Variants in RNF157 observed in about 807,000 individuals in gnomAD.
RNF157 encodes ring finger protein 157.
Under a neutral mutation model 88.3 loss-of-function variants are expected in RNF157, and 55 were observed. The observed-to-expected ratio is 0.62, with a 90% CI of 0.50 to 0.78. The LOEUF (loss-of-function observed/expected upper bound fraction) is 0.78. Ranked by LOEUF, RNF157 falls within the 30% of genes least tolerant of loss-of-function variation. RNF157 has a pLI of 0.00. For missense variants in RNF157, 788 were observed against 860.8 expected (o/e 0.92, Z 1.06); for synonymous variants, 334 against 341.2 (o/e 0.98, Z 0.23).
At chr17:76,173,574 G>C (rs944407457) in intron 3 of RNF157, 128 bp downstream of exon 3, 1 of 680,012 alleles carries the variant, frequency 1.5e-6, no homozygotes, top group African/African-American at 1.8e-5. Context: ...TCCTGTCTGA[G>C]GCCCAGAGAA....
chr17:76,240,303 C>G lies in RNF157; in HGVS notation c.-63G>C. On this transcript the variant is annotated 5_prime_UTR_variant, in exon 1 of 19. Coordinates refer to ENST00000269391, the MANE Select transcript of RNF157 (RefSeq NM_052916.3). This position sits in a 1 kb window ranked among gnomAD's most constrained non-coding sequence, Gnocchi z 4.4. ...CCGCGCCGCCCTCCGCGCTTCACCG[C>G]GGCCGCCCGCCCCGCGCCCGGTGCG... is the stretch of plus-strand genomic sequence containing the variant. The G allele has an allele frequency of 1.2e-6, 1 of 834,178 alleles. No individual in the cohort carries two copies. The highest frequency in any genetic ancestry group is 1.4e-6 in the Non-Finnish European group (1 of 693,238). 51.7% of individuals were successfully genotyped at this position (834,178 alleles called of 1,614,324 possible).
intron 6 of RNF157, 123 bp from the exon 7 acceptor site, chr17:76,165,668 G>T: frequency 2.0e-6 from 2 of 981,674 alleles, no homozygotes; most frequent in Non-Finnish European, 3.2e-6. Context: ...GAAGGGGCAC[G>T]TTATATAACC....
chr17:76,152,828 G>A (rs956935106), intron 17 of RNF157, among the ~76,000 whole-genome samples: 2 of 152,234 alleles, frequency 1.3e-5, no homozygotes, highest in Non-Finnish European at 2.9e-5. Context: ...AGCGCCAGTG[G>A]GGAGGTCATC....
At chr17:76,205,662 T>A (rs1365957583) in intron 2 of RNF157, among the ~76,000 whole-genome samples, 3 of 151,734 alleles carry the variant, frequency 2.0e-5, no homozygotes, top group Non-Finnish European at 4.4e-5. Context: ...GAAGCAGAGG[T>A]TGCAGTGAGC....
At chr17:76,203,928 C>T (rs1471171005) in intron 2 of RNF157, among the ~76,000 whole-genome samples, 2 of 151,848 alleles carry the variant, frequency 1.3e-5, no homozygotes, top group Admixed American at 6.6e-5. Flanking sequence ...CCACCATGCT[C>T]GGCTAATTTT....
intron 2 of RNF157, among the ~76,000 whole-genome samples, chr17:76,201,324 A>AT (rs1188583857): frequency 1.0e-5 from 1 of 100,050 alleles, no homozygotes; most frequent in Non-Finnish European, 1.7e-5. Context: ...TAGTCTCTAC[A>AT]AAAAAAAAAA....
chr17:76,179,999 G>C (rs555145488), intron 2 of RNF157, among the ~76,000 whole-genome samples: 1 of 152,324 alleles, frequency 6.6e-6, no homozygotes, highest in African/African-American at 2.4e-5. Flanking sequence ...AGGAAGACCA[G>C]ATAAAGTCTT....
intron 6 of RNF157, 131 bp downstream of exon 6, chr17:76,166,330 G>A (rs1389065982): frequency 1.3e-6 from 1 of 762,248 alleles, no homozygotes; most frequent in Non-Finnish European, 2.3e-6. Context: ...GTGAGAGGAT[G>A]CAGAGACTGC....
intron 2 of RNF157, among the ~76,000 whole-genome samples, chr17:76,180,789 A>G (rs1043398366): frequency 1.3e-5 from 2 of 152,174 alleles, no homozygotes; most frequent in Non-Finnish European, 2.9e-5. Context: ...ATATTCAAGT[A>G]TACAGTTCAG....
chr17:76,151,806 G>A (rs188414775), intron 18 of RNF157, among the ~76,000 whole-genome samples: 3 of 152,302 alleles, frequency 2.0e-5, no homozygotes, highest in Admixed American at 1.3e-4. Flanking sequence ...CGACCTCTCC[G>A]TTGGGATCCA....
rs904329035 is a variant in RNF157, at chr17:76,176,808, G to A, written c.208-3018C>T. ...TGGAGCGCCAGGGCCAGGCCTGGGC[G>A]CGGAGCTGGGGCCATGCTTCAGGGG... On this transcript the variant is annotated intron_variant, in intron 2 of 18. Coordinates refer to ENST00000269391, the MANE Select transcript of RNF157 (RefSeq NM_052916.3). This position sits in a 1 kb window ranked among gnomAD's most constrained non-coding sequence, Gnocchi z 4.2. Among the ~76,000 whole-genome samples, 1 of 152,222 alleles carries A rather than the reference G, an allele frequency of 6.6e-6. No homozygotes were observed. Among genetic ancestry groups the A allele is most frequent in the African/African-American group, 2.4e-5 (1 of 41,458 alleles).
intron 2 of RNF157, among the ~76,000 whole-genome samples, chr17:76,185,471 C>CTCTCT (rs1214764584): frequency 1.4e-5 from 2 of 144,366 alleles, no homozygotes; most frequent in African/African-American, 5.5e-5. Context: ...GAGATTAGTC[C>CTCTCT]TTTCTTTTTT....
intron 2 of RNF157, among the ~76,000 whole-genome samples, chr17:76,204,789 T>C (rs1327697046): frequency 6.6e-6 from 1 of 151,478 alleles, no homozygotes; most frequent in African/African-American, 2.4e-5. Context: ...TTTCTTTTTT[T>C]TTTTTTTGAG....
At chr17:76,231,276 C>A (rs183698837) in intron 1 of RNF157, among the ~76,000 whole-genome samples, 2 of 152,156 alleles carry the variant, frequency 1.3e-5, no homozygotes, top group Non-Finnish European at 2.9e-5. Context: ...AGATTACAGG[C>A]GTGAGCCACC....
rs778324977 is a variant in RNF157, at chr17:76,161,404, C to T, written c.1065+131G>A. The T allele has an allele frequency of 4.5e-5, 33 of 732,372 alleles. No homozygotes were observed. Among genetic ancestry groups the T allele is most frequent in the Non-Finnish European group, 6.6e-5 (28 of 423,408 alleles). 45.4% of individuals were successfully genotyped at this position (732,372 alleles called of 1,614,324 possible). On this transcript the variant is annotated intron_variant, in intron 11 of 18. Transcript: ENST00000269391. The surrounding 1 kb of genome is among the most constrained non-coding windows in gnomAD (Gnocchi z 4.6). ...GTTGGTTTTAACGCATGCTCTCAGC[C>T]GGCTTGCTAAATACTGCAGCATGCC... is the stretch of plus-strand genomic sequence containing the variant.
chr17:76,157,253 T>A lies in RNF157; in HGVS notation c.1414-932A>T, dbSNP rs1279274457. 1.3e-5 allele frequency among the ~76,000 whole-genome samples: 2 copies of A among 152,222 alleles called. No homozygotes were observed. Among genetic ancestry groups the A allele is most frequent in the Admixed American group, 6.5e-5 (1 of 15,282 alleles). Reference sequence around the variant, plus strand: ...AGTGCCGGGATTCCAGGCGTGAGCCTCCGCGCCCGGCCAGTCACACAGTCC... The same window carrying A: ...AGTGCCGGGATTCCAGGCGTGAGCCACCGCGCCCGGCCAGTCACACAGTCC... On this transcript the variant is annotated intron_variant, in intron 13 of 18. Coordinates refer to ENST00000269391, the MANE Select transcript of RNF157 (RefSeq NM_052916.3). This position sits in a 1 kb window ranked among gnomAD's most constrained non-coding sequence, Gnocchi z 5.6.
At chr17:76,231,929 A>C (rs2145079609) in intron 1 of RNF157, among the ~76,000 whole-genome samples, 1 of 152,314 alleles carries the variant, frequency 6.6e-6, no homozygotes, top group African/African-American at 2.4e-5. Context: ...TTAGGCAAAC[A>C]CTATTCTGCT....
Position 76,154,279 on chromosome 17 carries a change from C to T in RNF157, c.1810+4G>A. On this transcript the variant is annotated splice_donor_region_variant and intron_variant, in intron 17 of 18. Coordinates refer to ENST00000269391, the MANE Select transcript of RNF157 (RefSeq NM_052916.3). ...AGGAAGTAAAGGACCAGATCTTTTACCACCTTCCTGCGTGGGTGATCCATC... is the reference window on the plus strand; with the variant it reads ...AGGAAGTAAAGGACCAGATCTTTTATCACCTTCCTGCGTGGGTGATCCATC... The T allele has an allele frequency of 1.2e-6, 2 of 1,604,868 alleles. No homozygotes were observed. The highest frequency in any genetic ancestry group is 1.7e-6 in the Non-Finnish European group (2 of 1,171,498).
chr17:76,172,277 G>GT (rs1363593338), intron 3 of RNF157, among the ~76,000 whole-genome samples: 1 of 152,098 alleles, frequency 6.6e-6, no homozygotes, highest in East Asian at 1.9e-4. Flanking sequence ...TCGTGCCACT[G>GT]TACTGCAGCC....
Sources: allele counts gnomAD v4.1 joint callset (sites outside exome capture counted in the v4.1 genomes callset), GRCh38; gene constraint gnomAD v4.1.1; non-coding constraint Gnocchi (gnomAD v3.1); transcripts MANE v1.5; gene names NCBI Gene and HGNC (gene_info 2026-07-23, HGNC 2026-07-21).